The following ACAP2 variants were observed in gnomAD, a reference collection of about 807,000 sequenced individuals.
ACAP2 encodes ArfGAP with coiled-coil, ankyrin repeat and PH domains 2, also known as arf-GAP with coiled-coil, ANK repeat and PH domain-containing protein 2.
In ACAP2, 39 loss-of-function variants were observed where a neutral mutation model predicts 115.8. The observed-to-expected ratio is 0.34, with a 90% confidence interval of 0.26 to 0.44. ACAP2 has a LOEUF of 0.44. Among genes scored for constraint, ACAP2 ranks in the 20% least tolerant of loss-of-function variants. The pLI is 1.00. For synonymous variants in ACAP2, 289 were observed against 315.8 expected (o/e 0.92, Z 0.90); for missense variants, 662 against 927.6 (o/e 0.71, Z 3.72).
chr3:195,440,216 T>C (rs1715896017), intron 1 of ACAP2, among the ~76,000 whole-genome samples: 1 of 152,108 alleles, frequency 6.6e-6, no homozygotes, highest in African/African-American at 2.4e-5. Flanking sequence ...CCCAAAATTA[T>C]ACAACGAAAT....
chr3:195,347,865 A>T (rs562615028), intron 4 of ACAP2, among the ~76,000 whole-genome samples: 33 of 152,032 alleles, frequency 2.2e-4, no homozygotes, highest in Non-Finnish European at 3.8e-4. Context: ...TTTTCAAATG[A>T]GCCAAGCATG....
intron 10 of ACAP2, among the ~76,000 whole-genome samples, chr3:195,309,237 C>T (rs996671639): frequency 1.3e-5 from 2 of 152,084 alleles, no homozygotes; most frequent in African/African-American, 2.4e-5. Context: ...AAATGTATAT[C>T]GTGAATAAAA....
chr3:195,370,860 G>C (rs944707220), intron 4 of ACAP2, among the ~76,000 whole-genome samples: 1 of 151,602 alleles, frequency 6.6e-6, no homozygotes, highest in Non-Finnish European at 1.5e-5. Flanking sequence ...GCTGAGGCAG[G>C]AGAATCACTT....
chr3:195,354,556 T>A (rs1362952010), intron 4 of ACAP2, among the ~76,000 whole-genome samples: 1 of 152,220 alleles, frequency 6.6e-6, no homozygotes, highest in African/African-American at 2.4e-5. Context: ...TTAAGTTCCT[T>A]ATAAATTCTG....
intron 7 of ACAP2, among the ~76,000 whole-genome samples, chr3:195,334,222 CAA>C (rs34378421): frequency 0.31 from 39,688 of 127,956 alleles, 5,963 homozygotes; most frequent in East Asian, 0.72. Flanking sequence ...AAACTATTTT[CAA>C]AAAAAAAAAA....
chr3:195,355,196 T>C (rs1446749635), intron 4 of ACAP2, among the ~76,000 whole-genome samples: 4 of 152,070 alleles, frequency 2.6e-5, no homozygotes, highest in African/African-American at 9.6e-5. Flanking sequence ...GTGAAAAGTA[T>C]GTTGTCAATA....
Position 195,342,654 on chromosome 3 carries a change from T to C in ACAP2, c.345A>G (p.Glu115=). 6.3e-7 allele frequency: 1 copy of C among 1,581,260 alleles called. No homozygotes were observed. Among genetic ancestry groups the C allele is most frequent in the Non-Finnish European group, 8.5e-7 (1 of 1,170,928 alleles). The stretch of plus-strand genomic sequence containing the variant: ...TGGCATCTTTGAATTTTCTAAGATC[T>C]CTAAGAAAAGAAAAACTTAGTGAAA... ...IKAQLQNFVK[E]DLRKFKDAKK... is the part of the protein sequence containing the mutation. Residue 115 remains glutamate (E), a splice_region_variant and synonymous_variant, in exon 6 of 23, where the codon GAA becomes GAG. Coordinates refer to ENST00000326793, the MANE Select transcript of ACAP2 (RefSeq NM_012287.6).
intron 6 of ACAP2, among the ~76,000 whole-genome samples, chr3:195,339,011 G>A (rs1387450160): frequency 2.0e-5 from 3 of 152,000 alleles, no homozygotes; most frequent in Non-Finnish European, 4.4e-5. Context: ...TGGGCAGATC[G>A]CTTGAGATTA....
At chr3:195,373,846 G>A (rs1477577575) in intron 4 of ACAP2, among the ~76,000 whole-genome samples, 1 of 152,016 alleles carries the variant, frequency 6.6e-6, no homozygotes, top group Non-Finnish European at 1.5e-5. Flanking sequence ...AACTGCTTGA[G>A]CCCAAGAGGT....
At chr3:195,393,123 C>T (rs74655168) in intron 1 of ACAP2, among the ~76,000 whole-genome samples, 4,317 of 152,068 alleles carry the variant, frequency 0.028, 94 homozygotes, top group Middle Eastern at 0.048. Flanking sequence ...ACTGCTTGGA[C>T]CCAAGAGTTC....
At chr3:195,302,300 G>A in intron 13 of ACAP2, 126 bp from the exon 14 acceptor site, 1 of 792,798 alleles carries the variant, frequency 1.3e-6, no homozygotes, top group East Asian at 2.8e-5. Flanking sequence ...CATAAGCAAG[G>A]CAATAGTCTA....
chr3:195,424,714 A>G lies in ACAP2; in HGVS notation c.53+18081T>C, dbSNP rs1024444524. ...GAGGATAGCTTCAGCCCAGGAGTTC[A>G]AGACCAGCCTGGGCAACACAGTGAG... is the stretch of plus-strand genomic sequence containing the variant. On this transcript the variant is annotated intron_variant, in intron 1 of 22. Transcript: ENST00000326793. Among the ~76,000 whole-genome samples the G allele has an allele frequency of 1.8e-4, 27 of 151,916 alleles. No homozygotes were observed. The South Asian group carries it at 2.1e-3, about 12-fold the overall frequency.
Position 195,396,346 on chromosome 3 carries a change from G to T in ACAP2, c.54-4199C>A, listed in dbSNP as rs1420561047. 2.6e-5 allele frequency among the ~76,000 whole-genome samples: 4 copies of T among 151,182 alleles called. No homozygotes were observed. In the South Asian group the frequency reaches 6.3e-4, roughly 24 times the overall value. ...ATGAAATGAATGAGGCTCAAAAATA[G>T]AACTCTCTCCACTCAGATAACTGCA... On this transcript the variant is annotated intron_variant, in intron 1 of 22. Transcript: ENST00000326793.
chr3:195,341,105 G>A (rs927603098), intron 6 of ACAP2, among the ~76,000 whole-genome samples: 1 of 152,114 alleles, frequency 6.6e-6, no homozygotes, highest in South Asian at 2.1e-4. Flanking sequence ...TTTATATAAG[G>A]TAATTCCCTA....
At chr3:195,395,637 G>A (rs189169089) in intron 1 of ACAP2, among the ~76,000 whole-genome samples, 5 of 152,312 alleles carry the variant, frequency 3.3e-5, no homozygotes, top group East Asian at 1.9e-4. Flanking sequence ...CCATGATGGC[G>A]TAGTTGAGTA....
At chr3:195,306,668 C>T in intron 12 of ACAP2, 52 bp from the exon 13 acceptor site, 3 of 1,277,054 alleles carry the variant, frequency 2.3e-6, no homozygotes, top group Non-Finnish European at 2.3e-6. Flanking sequence ...ATGCCAAAAA[C>T]ACCCTATAAG....
intron 4 of ACAP2, among the ~76,000 whole-genome samples, chr3:195,368,689 T>C (rs767591708): frequency 6.6e-6 from 1 of 152,172 alleles, no homozygotes; most frequent in Non-Finnish European, 1.5e-5. Context: ...CAGCTGTTAC[T>C]TCTTCATTTT....
In ACAP2 at chr3:195,339,872, A is replaced by G. The variant is rs138421210; in HGVS notation, c.528+2599T>C. On this transcript the variant is annotated intron_variant, in intron 6 of 22. Transcript: ENST00000326793. ...CTCAAAAAACATTTACTACATATCT[A>G]TTTTCTAACCACTGGACTAGAGGCT... 1.8e-4 allele frequency among the ~76,000 whole-genome samples: 27 copies of G among 152,228 alleles called. 1 individual carries two copies. In the East Asian group the frequency reaches 5.2e-3, roughly 29 times the overall value.
chr3:195,401,433 G>A (rs1712284186), intron 1 of ACAP2, among the ~76,000 whole-genome samples: 1 of 152,230 alleles, frequency 6.6e-6, no homozygotes. Context: ...GGGAGGCCAA[G>A]GTGGGTGGAT....
Sources: allele counts gnomAD v4.1 joint callset (sites outside exome capture counted in the v4.1 genomes callset), GRCh38; gene constraint gnomAD v4.1.1; transcripts MANE v1.5; gene names NCBI Gene and HGNC (gene_info 2026-07-23, HGNC 2026-07-21).